Variants in PLEKHG3 observed in about 807,000 individuals in gnomAD.
PLEKHG3 encodes pleckstrin homology domain-containing family G member 3.
A neutral mutation model predicts 94.9 loss-of-function variants in PLEKHG3; 62 were observed. The ratio of observed to expected loss-of-function variants is 0.65; its 90% CI spans 0.53 to 0.81. The LOEUF is 0.81. Among genes scored for constraint, PLEKHG3 ranks in the 30% least tolerant of loss-of-function variants. PLEKHG3 has a pLI of 0.00. For missense variants in PLEKHG3, 1,461 were observed against 1,619.3 expected (o/e 0.90, Z 1.68); for synonymous variants, 614 against 654.0 (o/e 0.94, Z 0.93).
Position 64,715,445 on chromosome 14 carries a change from T to C in PLEKHG3, c.-40+10741T>C, listed in dbSNP as rs554799827. On this transcript the variant is annotated intron_variant, in intron 1 of 16. Transcript: ENST00000247226. The surrounding 1 kb of genome is among the most constrained non-coding windows in gnomAD (Gnocchi z 4.4). The stretch of plus-strand genomic sequence containing the variant: ...AGAATGTGTTTTGCCTTATGTCTGG[T>C]ATACTCGAATAAATGCTAGCTGAGG... 6.6e-6 allele frequency among the ~76,000 whole-genome samples: 1 copy of C among 152,280 alleles called. No individual in the cohort carries two copies. Among genetic ancestry groups the C allele is most frequent in the South Asian group, 2.1e-4 (1 of 4,824 alleles).
At chr14:64,740,716 G>A (rs529972337) in intron 15 of PLEKHG3, among the ~76,000 whole-genome samples, 15 of 152,354 alleles carry the variant, frequency 9.8e-5, no homozygotes, top group Middle Eastern at 3.4e-3. Flanking sequence ...ACCCACTGTT[G>A]TGTGTTCCCA....
At chr14:64,735,487 A>G (rs1278938055) in intron 12 of PLEKHG3, among the ~76,000 whole-genome samples, 2 of 151,984 alleles carry the variant, frequency 1.3e-5, no homozygotes, top group African/African-American at 2.4e-5. Context: ...GTGTGCACCT[A>G]TAGTCCTAGC....
chr14:64,742,438 A>G lies in PLEKHG3; in HGVS notation c.2921A>G (p.Glu974Gly), dbSNP rs1379665822. ...CCCTGTCTACAGGAAGAGGCTGGAG[A>G]GCCATTAGGTGGCAAAGGTATGACA... is the stretch of plus-strand genomic sequence containing the variant. The part of the protein sequence containing the change: ...TVPCLQEEAG[E>G]PLGGKGKRKP... Residue 974 changes from glutamate to glycine, a missense_variant, in exon 16 of 17, where the codon GAG becomes GGG. Physicochemically the swap from Glu to Gly is moderately conservative, Grantham distance 98 (BLOSUM62 -2). Transcript: ENST00000247226. 1 of 1,607,744 alleles carries G rather than the reference A, an allele frequency of 6.2e-7. No individual in the cohort carries two copies. The highest frequency in any genetic ancestry group is 1.1e-5 in the South Asian group (1 of 90,932).
In PLEKHG3 at chr14:64,741,208, T is replaced by C. The variant is rs760078322; in HGVS notation, c.1691T>C (p.Val564Ala). 4.0e-5 allele frequency: 64 copies of C among 1,613,914 alleles called. No homozygotes were observed. In the South Asian group the frequency reaches 5.9e-4, roughly 15 times the overall value. Residue 564 changes from valine (V) to alanine (A), a missense_variant, in exon 16 of 17, where the codon GTG (valine) becomes GCG (alanine). Val to Ala is a moderately conservative substitution (Grantham distance 64, BLOSUM62 0). Transcript: ENST00000247226. Reference sequence around the variant, plus strand: ...CCCCCAGGTGACATGGTGGACTTCGTGGCAGCTGAGAGCACTGAGGACCTT... The same window carrying C: ...CCCCCAGGTGACATGGTGGACTTCGCGGCAGCTGAGAGCACTGAGGACCTT... ...MDPPGDMVDF[V>A]AAESTEDLKA...
Position 64,737,362 on chromosome 14 carries a change from C to A in PLEKHG3, c.1391C>A (p.Ala464Glu). 6.2e-7 allele frequency: 1 copy of A among 1,601,152 alleles called. No homozygotes were observed. The highest frequency in any genetic ancestry group is 8.5e-7 in the Non-Finnish European group (1 of 1,174,392). ...LLRQLNEKAR[A>E]AGMKGKGRRE... ...CCGGTGGTGATGTCTGCAGCCCGAG[C>A]AGCAGGAATGAAGGTAAAGGCCAGT... Residue 464 changes from alanine (A) to glutamate (E), a missense_variant, in exon 14 of 17, where the codon GCA (alanine) becomes GAA (glutamate). This residue lies in a region of PLEKHG3 where 1,201 missense variants were observed against 1,295.5 expected (regional missense o/e 0.93). Coordinates refer to ENST00000247226, the MANE Select transcript of PLEKHG3 (RefSeq NM_001308147.2).
rs1407045015 is a variant in PLEKHG3, at chr14:64,748,030, G to C, written c.*4327G>C. ...GGAGGGTGGTAGATATTTGACCTCT[G>C]TACTCATGTGACCCCCTCCCCGCCA... On this transcript the variant is annotated 3_prime_UTR_variant, in exon 17 of 17. Transcript: ENST00000247226. 6.6e-6 allele frequency: 1 copy of C among 152,110 alleles called. No individual in the cohort carries two copies. The highest frequency in any genetic ancestry group is 2.4e-5 in the African/African-American group (1 of 41,354). 9.4% of individuals were successfully genotyped at this position (152,110 alleles called of 1,614,324 possible).
In PLEKHG3 at chr14:64,739,746, A is replaced by G. The variant is rs1172177334; in HGVS notation, c.1518+891A>G. ...TGGTGGCTTCTTGCTGTGTCCTCACATGGCAAAGGGGCAAGGAAGCTCCCT... is the reference window on the plus strand; with the variant it reads ...TGGTGGCTTCTTGCTGTGTCCTCACGTGGCAAAGGGGCAAGGAAGCTCCCT... On this transcript the variant is annotated intron_variant, in intron 15 of 16. Transcript: ENST00000247226. The surrounding 1 kb of genome is among the most constrained non-coding windows in gnomAD (Gnocchi z 4.1). Among the ~76,000 whole-genome samples, 5 of 152,238 alleles carry G rather than the reference A, an allele frequency of 3.3e-5. No homozygotes were observed. The highest frequency in any genetic ancestry group is 1.2e-4 in the African/African-American group (5 of 41,458).
Position 64,743,078 on chromosome 14 carries a change from C to G in PLEKHG3, c.3035C>G (p.Pro1012Arg), listed in dbSNP as rs1165936525. Reference sequence around the variant, plus strand: ...CCCTCCTCGGCTGGGGAGATGTCACCACAGCGTTTCTTCTTCAACCCGTCT... The same window carrying G: ...CCCTCCTCGGCTGGGGAGATGTCACGACAGCGTTTCTTCTTCAACCCGTCT... ...PKPSSAGEMSPQRFFFNPSAV... is the reference protein window; with the variant it reads ...PKPSSAGEMSRQRFFFNPSAV... The change falls in exon 17 of 17, where the codon CCA (proline) becomes CGA (arginine). Residue 1012 changes from proline to arginine, a missense_variant. Physicochemically the swap from Pro to Arg is moderately radical, Grantham distance 103. Around this residue, in one of 3 missense-constraint regions of PLEKHG3, gnomAD observed 1,201 missense variants for 1,295.5 expected, o/e 0.93. Transcript: ENST00000247226. This position sits in a 1 kb window ranked among gnomAD's most constrained non-coding sequence, Gnocchi z 7.2. 1.9e-6 allele frequency: 3 copies of G among 1,613,222 alleles called. No individual in the cohort carries two copies. The highest frequency in any genetic ancestry group is 2.5e-6 in the Non-Finnish European group (3 of 1,180,000).
At chr14:64,736,723 A>T in intron 12 of PLEKHG3, 130 bp from the exon 13 acceptor site, 1 of 749,406 alleles carries the variant, frequency 1.3e-6, no homozygotes. Context: ...CCTGGGGCCT[A>T]TGACTGCAGG....
chr14:64,729,429 A>C (rs1235518163), intron 3 of PLEKHG3, among the ~76,000 whole-genome samples: 1 of 152,034 alleles, frequency 6.6e-6, no homozygotes, highest in Non-Finnish European at 1.5e-5. Flanking sequence ...TTCCATTTGC[A>C]CATCTGTTAA....
At position 64,742,352 on chromosome 14, in the gene PLEKHG3, C is replaced by A. The variant is rs1035809764; in HGVS notation, c.2835C>A (p.Ala945=). The A allele has an allele frequency of 1.2e-6, 2 of 1,613,004 alleles. No individual in the cohort carries two copies. Among genetic ancestry groups the A allele is most frequent in the South Asian group, 1.1e-5 (1 of 91,094 alleles). The stretch of plus-strand genomic sequence containing the variant: ...TCAAGAGCAACAAGCCAGTGATGGC[C>A]AGGCCACCACTGCAGTGGGAAAAGG... The part of the protein sequence containing the change: ...LRIKSNKPVM[A]RPPLQWEKVA... Residue 945 remains alanine (A), a synonymous_variant, in exon 16 of 17, where the codon GCC becomes GCA. Coordinates refer to ENST00000247226, the MANE Select transcript of PLEKHG3 (RefSeq NM_001308147.2).
intron 15 of PLEKHG3, 119 bp from the exon 16 acceptor site, chr14:64,740,917 T>C: frequency 1.3e-6 from 1 of 765,362 alleles, no homozygotes. Context: ...CTGATTGCCT[T>C]GAGTCCTAAA....
rs2081236103 is a variant in PLEKHG3 at position 64,720,019 on chromosome 14, G to A, written c.-39-7574G>A. 6.6e-6 allele frequency among the ~76,000 whole-genome samples: 1 copy of A among 152,168 alleles called. No homozygotes were observed. Among genetic ancestry groups the A allele is most frequent in the Non-Finnish European group, 1.5e-5 (1 of 68,034 alleles). ...TTTGGGGCACATTGCATAGTGACAA[G>A]TTGTGCTGGCAGCCAAGTTACCTCT... is the stretch of plus-strand genomic sequence containing the variant. On this transcript the variant is annotated intron_variant, in intron 1 of 16. Coordinates refer to ENST00000247226, the MANE Select transcript of PLEKHG3 (RefSeq NM_001308147.2). This position sits in a 1 kb window ranked among gnomAD's most constrained non-coding sequence, Gnocchi z 4.1.
intron 1 of PLEKHG3, among the ~76,000 whole-genome samples, chr14:64,707,219 G>A (rs1439221821): frequency 1.3e-5 from 2 of 152,172 alleles, no homozygotes; most frequent in South Asian, 2.1e-4. Flanking sequence ...GGAGGAAGGG[G>A]CTACTGGAGC....
In PLEKHG3 at chr14:64,742,974, C is replaced by T. The variant is rs954489039; in HGVS notation, c.2939-8C>T. On this transcript the variant is annotated splice_region_variant and splice_polypyrimidine_tract_variant and intron_variant, in intron 16 of 16. Coordinates refer to ENST00000247226, the MANE Select transcript of PLEKHG3 (RefSeq NM_001308147.2). ...CCATGCTTCAGGCAGCTTGCTCTCT[C>T]CTCATAGGTAAGAGGAAGCCGGTGC... 3 of 1,613,284 alleles carry T rather than the reference C, an allele frequency of 1.9e-6. No homozygotes were observed. Among genetic ancestry groups the T allele is most frequent in the Non-Finnish European group, 2.5e-6 (3 of 1,179,920 alleles).
At chr14:64,740,944 T>G (rs1430588372) in intron 15 of PLEKHG3, 92 bp from the exon 16 acceptor site, 4 of 1,044,826 alleles carry the variant, frequency 3.8e-6, no homozygotes, top group South Asian at 1.6e-5. Flanking sequence ...GTCCCTGTCA[T>G]TGGGCCTTGA....
In PLEKHG3 at chr14:64,731,710, CT is replaced by C. The variant is rs2081469847; in HGVS notation, c.1033-3del. 1.2e-6 allele frequency: 2 copies of C among 1,610,028 alleles called. No individual in the cohort carries two copies. Among genetic ancestry groups the C allele is most frequent in the African/African-American group, 1.3e-5 (1 of 74,954 alleles). On this transcript the variant is annotated splice_region_variant and splice_polypyrimidine_tract_variant and intron_variant, in intron 8 of 16. Coordinates refer to ENST00000247226, the MANE Select transcript of PLEKHG3 (RefSeq NM_001308147.2). The surrounding 1 kb of genome is among the most constrained non-coding windows in gnomAD (Gnocchi z 6.1). ...GCTTGACTGTCCTTTCCCTCTGCCC[CT>C]AGTGCTCCTCCCTGATGCTGATCGA...
At position 64,749,208 on chromosome 14, in the gene PLEKHG3, T is replaced by A. The variant is rs2081900801; in HGVS notation, c.*5505T>A. 2.1e-6 allele frequency: 3 copies of A among 1,441,408 alleles called. No homozygotes were observed. The highest frequency in any genetic ancestry group is 2.8e-6 in the Non-Finnish European group (3 of 1,066,580). 89.3% of individuals were successfully genotyped at this position (1,441,408 alleles called of 1,614,324 possible). On this transcript the variant is annotated 3_prime_UTR_variant, in exon 17 of 17. Transcript: ENST00000247226. This position sits in a 1 kb window ranked among gnomAD's most constrained non-coding sequence, Gnocchi z 4.7. ...GGGGCCCGGCCCGCGACTCGACTCA[T>A]CTCGATTCGACCGGCGGGCGGCGGC...
In PLEKHG3 at chr14:64,725,221, A is replaced by G. The variant is rs963957989; in HGVS notation, c.-39-2372A>G. ...TGGGGTAGGGGTGGGGCTGTGAGTA[A>G]TCTTTTGCTTTAAGACTGTGAACTG... On this transcript the variant is annotated intron_variant, in intron 1 of 16. Transcript: ENST00000247226. The surrounding 1 kb of genome is among the most constrained non-coding windows in gnomAD (Gnocchi z 5.0). Among the ~76,000 whole-genome samples the G allele has an allele frequency of 1.3e-5, 2 of 152,114 alleles. No homozygotes were observed. The highest frequency in any genetic ancestry group is 2.9e-5 in the Non-Finnish European group (2 of 68,030).
Sources: gnomAD v4.1 joint callset for allele counts (sites outside exome capture counted in the v4.1 genomes callset) on GRCh38, gnomAD v4.1.1 for gene constraint, gnomAD v4.1.1 regional missense constraint, Gnocchi (gnomAD v3.1) non-coding constraint, MANE v1.5 for transcripts, NCBI Gene and HGNC (gene_info 2026-07-23, HGNC 2026-07-21) for gene names.